The following SLC3A1 variants were observed in gnomAD, a reference collection of about 807,000 sequenced individuals.
The protein encoded by SLC3A1 is solute carrier family 3 member 1, also known as amino acid transporter heavy chain SLC3A1.
A neutral mutation model predicts 60.3 loss-of-function variants in SLC3A1; 78 were observed. The observed-to-expected ratio is 1.29, with a 90% CI of 1.08 to 1.56. The LOEUF (loss-of-function observed/expected upper bound fraction) is 1.56. SLC3A1 is among the 40% of genes most tolerant of loss of function. The pLI is 0.00. For missense variants in SLC3A1, 1,172 were observed against 858.9 expected (o/e 1.36, Z -4.56); for synonymous variants, 392 against 307.9 (o/e 1.27, Z -2.86).
At chr2:44,307,439 C>G (rs1672185400) in intron 7 of SLC3A1, among the ~76,000 whole-genome samples, 1 of 152,196 alleles carries the variant, frequency 6.6e-6, no homozygotes, top group African/African-American at 2.4e-5. Flanking sequence ...AGTAGTTACT[C>G]CATTTTACAT....
At chr2:44,306,797 T>C (rs1047610872) in intron 7 of SLC3A1, among the ~76,000 whole-genome samples, 3 of 152,098 alleles carry the variant, frequency 2.0e-5, no homozygotes, top group Non-Finnish European at 2.9e-5. Context: ...CCTCAGGTGA[T>C]CCACCCATCT....
intron 9 of SLC3A1, chr2:44,314,276 C>A (rs576749859): frequency 3.5e-6 from 2 of 568,244 alleles, no homozygotes; most frequent in South Asian, 4.4e-5. Context: ...TCCTCTCTTC[C>A]CCTCAAAAGG....
At position 44,297,436 on chromosome 2, in the gene SLC3A1, T is replaced by G. The variant is rs4952710; in HGVS notation, c.892-2535T>G. 2.6e-5 allele frequency among the ~76,000 whole-genome samples: 4 copies of G among 151,890 alleles called. No homozygotes were observed. The South Asian group carries it at 8.3e-4, about 31-fold the overall frequency. On this transcript the variant is annotated intron_variant, in intron 4 of 9. Transcript: ENST00000260649. ...CATGTTGTCCCATTCCCACCCTCCA[T>G]TGAAATCCCACCAGGTCATCTAGGT...
chr2:44,310,609 T>A (rs2104380996), intron 7 of SLC3A1, among the ~76,000 whole-genome samples: 1 of 152,314 alleles, frequency 6.6e-6, no homozygotes, highest in Non-Finnish European at 1.5e-5. Flanking sequence ...TGTGGGTTTT[T>A]AAAAATTTTG....
intron 3 of SLC3A1, 109 bp from the exon 4 acceptor site, chr2:44,285,923 C>T (rs1231519153): frequency 8.8e-5 from 125 of 1,415,324 alleles, no homozygotes; most frequent in Non-Finnish European, 1.2e-4. Flanking sequence ...AGAAGGAAAA[C>T]TCTCAGGATT....
intron 3 of SLC3A1, among the ~76,000 whole-genome samples, chr2:44,282,815 G>A (rs1325345457): frequency 6.6e-6 from 1 of 151,884 alleles, no homozygotes; most frequent in African/African-American, 2.4e-5. Flanking sequence ...GTGCCACCAT[G>A]CCCAGCTAAT....
intron 9 of SLC3A1, among the ~76,000 whole-genome samples, chr2:44,315,470 G>C (rs1326686636): frequency 6.8e-6 from 1 of 147,254 alleles, no homozygotes; most frequent in Non-Finnish European, 1.5e-5. Context: ...GCAATATAGT[G>C]AGACCTTGTT....
Position 44,320,898 on chromosome 2 carries a change from A to G in SLC3A1, c.*259A>G. ...GATGACCAGAACACATTAGGACCCC[A>G]GATTATTCAAAAACTTTAACGAATT... On this transcript the variant is annotated 3_prime_UTR_variant, in exon 10 of 10. Transcript: ENST00000260649. 1 of 473,786 alleles carries G rather than the reference A, an allele frequency of 2.1e-6. No homozygotes were observed. The highest frequency in any genetic ancestry group is 3.8e-5 in the East Asian group (1 of 26,400). 29.3% of individuals were successfully genotyped at this position (473,786 alleles called of 1,614,324 possible). A position where few individuals can be genotyped will look rare whatever the true frequency, so the allele number is the denominator to read the frequency against.
At chr2:44,312,331 T>A (rs761519607) in intron 7 of SLC3A1, among the ~76,000 whole-genome samples, 1 of 152,204 alleles carries the variant, frequency 6.6e-6, no homozygotes, top group Non-Finnish European at 1.5e-5. Flanking sequence ...AATATGACTA[T>A]GTACCCTCTG....
At chr2:44,295,101 T>G (rs1456266583) in intron 4 of SLC3A1, among the ~76,000 whole-genome samples, 1 of 152,164 alleles carries the variant, frequency 6.6e-6, no homozygotes, top group Non-Finnish European at 1.5e-5. Context: ...TTCCCAAACA[T>G]GGGTTTTTAG....
rs1215311516 is a variant in SLC3A1 at position 44,278,379 on chromosome 2, C to T, written c.431-2337C>T. Among the ~76,000 whole-genome samples the T allele has an allele frequency of 3.3e-5, 5 of 151,948 alleles. No homozygotes were observed. The South Asian group carries it at 6.2e-4, about 19-fold the overall frequency. ...AGGAGAATGGCGTGAACCCAGGAGG[C>T]GGAGGTTGCAGTGAGCTAAGATCGC... On this transcript the variant is annotated intron_variant, in intron 1 of 9. Transcript: ENST00000260649.
At chr2:44,311,821 C>G (rs1402147763) in intron 7 of SLC3A1, among the ~76,000 whole-genome samples, 1 of 151,860 alleles carries the variant, frequency 6.6e-6, no homozygotes, top group East Asian at 1.9e-4. Flanking sequence ...TAGACTACTA[C>G]TTGAATAAAT....
intron 9 of SLC3A1, 107 bp downstream of exon 9, chr2:44,314,058 TA>T: frequency 6.4e-7 from 1 of 1,569,570 alleles, no homozygotes; most frequent in Non-Finnish European, 8.6e-7. Flanking sequence ...GGATACTCTT[TA>T]AATCAATCAC....
chr2:44,280,536 C>A (rs1176120812), intron 1 of SLC3A1, among the ~76,000 whole-genome samples, 180 bp from the exon 2 acceptor site: 4 of 152,134 alleles, frequency 2.6e-5, no homozygotes, highest in African/African-American at 7.2e-5. Flanking sequence ...CTACACCCGA[C>A]CTAATTTGAT....
chr2:44,319,076 A>G (rs1370374245), intron 9 of SLC3A1: 2 of 152,502 alleles, frequency 1.3e-5, no homozygotes, highest in Non-Finnish European at 2.9e-5. Flanking sequence ...AGAAAATGTT[A>G]ATAACTTAGA....
rs10427326 is a variant in SLC3A1 at position 44,281,042 on chromosome 2, C to T, written c.610+147C>T. On this transcript the variant is annotated intron_variant, in intron 2 of 9. Transcript: ENST00000260649. ...CCCTTCCTTCTTTCTTTCCTTCCCG[C>T]TTTCTCTTTCTTCCTTTCCTTCCCT... 8,364 of 702,294 alleles carry T rather than the reference C, an allele frequency of 0.012. 105 individuals carry two copies. The highest frequency in any genetic ancestry group is 0.028 in the Middle Eastern group (97 of 3,434). The allele number at this position is 702,294 out of a possible 1,614,324, so 43.5% of individuals were successfully genotyped here.
intron 4 of SLC3A1, 124 bp downstream of exon 4, chr2:44,286,281 T>C (rs1200485663): frequency 1.1e-5 from 10 of 920,164 alleles, no homozygotes; most frequent in Admixed American, 1.9e-5. Context: ...AAATACTCTA[T>C]AGTTATTTGA....
downstream of SLC3A1, chr2:44,321,577 G>C: frequency 7.4e-6 from 11 of 1,494,880 alleles, no homozygotes; most frequent in South Asian, 1.2e-4. Flanking sequence ...ACTTTCATTC[G>C]AGAGAGAGGC....
chr2:44,303,603 T>C (rs971328138), intron 6 of SLC3A1, among the ~76,000 whole-genome samples: 1 of 152,052 alleles, frequency 6.6e-6, no homozygotes, highest in African/African-American at 2.4e-5. Context: ...TATTATACTT[T>C]TAGTTCTGGG....
Sources: gnomAD v4.1 joint callset for allele counts (sites outside exome capture counted in the v4.1 genomes callset) on GRCh38, gnomAD v4.1.1 for gene constraint, MANE v1.5 for transcripts, NCBI Gene and HGNC (gene_info 2026-07-23, HGNC 2026-07-21) for gene names.